Variants in BTBD7 observed in about 807,000 individuals in gnomAD.
BTBD7 encodes the protein BTB/POZ domain-containing protein 7.
Under a neutral mutation model 99.9 loss-of-function variants are expected in BTBD7, and 38 were observed. The ratio of observed to expected loss-of-function variants is 0.38; its 90% CI spans 0.29 to 0.50. The LOEUF is 0.50. BTBD7 is among the 20% of genes least tolerant of loss of function. BTBD7 has a pLI of 0.93. For synonymous variants in BTBD7, 520 were observed against 511.4 expected (o/e 1.02, Z -0.23); for missense variants, 1,170 against 1,394.6 (o/e 0.84, Z 2.57).
At chr14:93,243,814 A>C (rs1481347150) in intron 10 of BTBD7, among the ~76,000 whole-genome samples, 1 of 152,222 alleles carries the variant, frequency 6.6e-6, no homozygotes, top group African/African-American at 2.4e-5. Flanking sequence ...TTACCTTTAA[A>C]GGGAGTTTTA....
At chr14:93,303,932 A>T (rs2053036811) in intron 1 of BTBD7, among the ~76,000 whole-genome samples, 1 of 152,228 alleles carries the variant, frequency 6.6e-6, no homozygotes, top group South Asian at 2.1e-4. Context: ...TGATGCCTAC[A>T]GCAGCCAGTG....
chr14:93,294,018 G>T lies in BTBD7; in HGVS notation c.1002C>A (p.Thr334=), dbSNP rs752829578. Residue 334 remains threonine (T), a synonymous_variant, in exon 3 of 11, where the codon ACC becomes ACA. Transcript: ENST00000334746. ...YATVILHCMY[T]DVVDLSVLHC... ...GCAAAACAGAGAGGTCCACCACGTC[G>T]GTATACATACAGTGTAATATCACTG... 1.2e-6 allele frequency: 2 copies of T among 1,613,742 alleles called. No homozygotes were observed. The highest frequency in any genetic ancestry group is 2.2e-5 in the East Asian group (1 of 44,890).
At chr14:93,246,317 CATTT>C in intron 9 of BTBD7, 31 bp from the exon 10 acceptor site, 1 of 1,426,318 alleles carries the variant, frequency 7.0e-7, no homozygotes, top group Non-Finnish European at 9.3e-7. Context: ...AAAAAAAGGA[CATTT>C]ATTAGCAGAT....
In BTBD7 at chr14:93,250,108, C is replaced by A. The variant is rs537076480; in HGVS notation, c.1942+1355G>T. ...TCCAAAGTCATACAAAGTAACAGAG[C>A]CAAGATATGAGCCCCCTAATCCTCT... On this transcript the variant is annotated intron_variant, in intron 8 of 10. Coordinates refer to ENST00000334746, the MANE Select transcript of BTBD7 (RefSeq NM_001002860.4). 2.0e-5 allele frequency among the ~76,000 whole-genome samples: 3 copies of A among 152,236 alleles called. No individual in the cohort carries two copies. The East Asian group carries it at 5.8e-4, about 29-fold the overall frequency.
chr14:93,244,155 G>A, intron 10 of BTBD7: 1 of 463,266 alleles, frequency 2.2e-6, no homozygotes, highest in Non-Finnish European at 4.2e-6. Context: ...ACTATGGTGG[G>A]CAGACTAGGC....
intron 10 of BTBD7, among the ~76,000 whole-genome samples, chr14:93,245,434 C>T (rs759347922): frequency 1.3e-5 from 2 of 152,086 alleles, no homozygotes; most frequent in Non-Finnish European, 2.9e-5. Context: ...GCTTCTTGTC[C>T]GATTAAAGCA....
rs548038972 is a variant in BTBD7 at position 93,282,435 on chromosome 14, C to T, written c.1162+11423G>A. On this transcript the variant is annotated intron_variant, in intron 3 of 10. Coordinates refer to ENST00000334746, the MANE Select transcript of BTBD7 (RefSeq NM_001002860.4). ...ACAACTTCTGCCTCCTGGGTTCAAG[C>T]GATTCTCCTGCCTCAGACTCCTGAG... Among the ~76,000 whole-genome samples the T allele has an allele frequency of 4.6e-5, 7 of 151,428 alleles. No homozygotes were observed. The East Asian group carries it at 5.8e-4, about 13-fold the overall frequency.
intron 1 of BTBD7, among the ~76,000 whole-genome samples, chr14:93,331,307 C>T (rs113854778): frequency 0.011 from 1,725 of 152,114 alleles, 31 homozygotes; most frequent in African/African-American, 0.039. Context: ...GGTGTAGAGG[C>T]CTACATCTTA....
Position 93,294,124 on chromosome 14 carries a change from C to G in BTBD7, c.896G>C (p.Gly299Ala). 6.2e-7 allele frequency: 1 copy of G among 1,614,194 alleles called. No homozygotes were observed. Among genetic ancestry groups the G allele is most frequent in the Non-Finnish European group, 8.5e-7 (1 of 1,180,036 alleles). The change falls in exon 3 of 11, where the codon GGT becomes GCT. Residue 299 changes from glycine (G) to alanine (A), a missense_variant. Physicochemically the swap from Gly to Ala is moderately conservative, Grantham distance 60. Coordinates refer to ENST00000334746, the MANE Select transcript of BTBD7 (RefSeq NM_001002860.4). ...CAAAGTTCGGTCTGTGATTTCTTCA[C>G]CAGTTCGTATCCTCCTTTGTAATAA... ...RNLLQRRIRT[G>A]EEITDRTLRT...
chr14:93,245,467 C>A (rs1309749896), intron 10 of BTBD7, among the ~76,000 whole-genome samples: 1 of 152,194 alleles, frequency 6.6e-6, no homozygotes, highest in African/African-American at 2.4e-5. Context: ...GTGGATTTTA[C>A]AGAATAGTAG....
At chr14:93,305,850 C>T (rs2053063718) in intron 1 of BTBD7, among the ~76,000 whole-genome samples, 1 of 152,188 alleles carries the variant, frequency 6.6e-6, no homozygotes, top group Non-Finnish European at 1.5e-5. Flanking sequence ...GGCCTTCTTG[C>T]TGTGCCCTAA....
At chr14:93,292,542 T>C (rs541049741) in intron 3 of BTBD7, among the ~76,000 whole-genome samples, 1 of 152,360 alleles carries the variant, frequency 6.6e-6, no homozygotes, top group Non-Finnish European at 1.5e-5. Context: ...AAAAGGATTA[T>C]GGTAAAGTAA....
chr14:93,251,793 A>T (rs971597531), intron 7 of BTBD7, 141 bp from the exon 8 acceptor site: 1 of 742,180 alleles, frequency 1.3e-6, no homozygotes, highest in Non-Finnish European at 1.9e-6. Flanking sequence ...GTGGTGAAAG[A>T]AAGTTCCCCT....
At chr14:93,322,772 A>T (rs570969422) in intron 1 of BTBD7, among the ~76,000 whole-genome samples, 11 of 152,352 alleles carry the variant, frequency 7.2e-5, no homozygotes, top group African/African-American at 2.6e-4. Context: ...AATACACAGT[A>T]TCATATATTT....
chr14:93,331,914 T>C (rs1184243574), intron 1 of BTBD7, among the ~76,000 whole-genome samples: 2 of 143,222 alleles, frequency 1.4e-5, no homozygotes, highest in African/African-American at 5.5e-5. Flanking sequence ...TTGAAAAAGC[T>C]AAGTAATTCT....
chr14:93,266,284 T>C (rs2139711124), intron 3 of BTBD7, among the ~76,000 whole-genome samples: 1 of 152,246 alleles, frequency 6.6e-6, no homozygotes. Context: ...GTTGCTGCTT[T>C]CTGTGGAGTG....
chr14:93,251,511 T>C lies in BTBD7; in HGVS notation c.1894A>G (p.Ser632Gly). Residue 632 changes from serine (S) to glycine (G), a missense_variant, in exon 8 of 11, where the codon AGC (serine) becomes GGC (glycine). Coordinates refer to ENST00000334746, the MANE Select transcript of BTBD7 (RefSeq NM_001002860.4). Reference protein sequence around the residue: ...CCHMISHQQISSNQSSPPSVV... With the variant: ...CCHMISHQQIGSNQSSPPSVV... ...GAAGGAGGGCTTGACTGGTTGCTGC[T>C]GATCTGCTGGTGGCTGATCATGTGA... 2 of 1,613,212 alleles carry C rather than the reference T, an allele frequency of 1.2e-6. No individual in the cohort carries two copies. Among genetic ancestry groups the C allele is most frequent in the Non-Finnish European group, 1.7e-6 (2 of 1,179,282 alleles).
chr14:93,300,901 C>T (rs1465984422), intron 1 of BTBD7, among the ~76,000 whole-genome samples: 2 of 151,736 alleles, frequency 1.3e-5, no homozygotes, highest in Admixed American at 1.3e-4. Flanking sequence ...CAGGTGTGAC[C>T]ACGGTGCCCA....
In BTBD7 at chr14:93,294,055, T is replaced by C; in HGVS notation, c.965A>G (p.Lys322Arg). ...RIILDESIIP[K>R]KYATVILHCM... ...GTGTAATATCACTGTTGCATATTTT[T>C]TTGGTATAATGGACTCATCTAATAT... is the stretch of plus-strand genomic sequence containing the variant. Residue 322 changes from lysine to arginine, a missense_variant, in exon 3 of 11, where the codon AAA (lysine) becomes AGA (arginine). By Grantham distance (26) the Lys-to-Arg change is conservative. Transcript: ENST00000334746. 1 of 1,614,078 alleles carries C rather than the reference T, an allele frequency of 6.2e-7. No individual in the cohort carries two copies. Among genetic ancestry groups the C allele is most frequent in the South Asian group, 1.1e-5 (1 of 91,068 alleles).
Sources: allele counts gnomAD v4.1 joint callset (sites outside exome capture counted in the v4.1 genomes callset), GRCh38; gene constraint gnomAD v4.1.1; transcripts MANE v1.5; gene names NCBI Gene and HGNC (gene_info 2026-07-23, HGNC 2026-07-21).